ADGRL2: variants seen among roughly 807,000 people sequenced by gnomAD.
ADGRL2 encodes calcium-independent alpha-latrotoxin receptor 2.
A neutral mutation model predicts 157.4 loss-of-function variants in ADGRL2; 44 were observed. The ratio of observed to expected loss-of-function variants is 0.28; its 90% CI spans 0.22 to 0.36. The LOEUF is 0.36. ADGRL2 is among the 10% of genes least tolerant of loss of function. ADGRL2 has a pLI of 1.00. For synonymous variants in ADGRL2, 585 were observed against 624.7 expected (o/e 0.94, Z 0.95); for missense variants, 1,510 against 1,768.9 (o/e 0.85, Z 2.63).
At position 81,615,010 on chromosome 1, in the gene ADGRL2, A is replaced by G. The variant is rs1319211659; in HGVS notation, c.-143+34030A>G. On this transcript the variant is annotated intron_variant, in intron 3 of 24. Transcript: ENST00000370721. Reference sequence around the variant, plus strand: ...CCTGAGCGACAGAGTGAGACCATGTATCAAAAATAAAATAAAGTAAAATAA... The same window carrying G: ...CCTGAGCGACAGAGTGAGACCATGTGTCAAAAATAAAATAAAGTAAAATAA... Among the ~76,000 whole-genome samples the G allele has an allele frequency of 2.6e-5, 4 of 152,096 alleles. No homozygotes were observed. The East Asian group carries it at 7.7e-4, about 29-fold the overall frequency.
chr1:81,692,428 A>C (rs989009691), intron 3 of ADGRL2, among the ~76,000 whole-genome samples: 2 of 152,196 alleles, frequency 1.3e-5, no homozygotes, highest in African/African-American at 4.8e-5. Flanking sequence ...CAGAGATGCC[A>C]ACCCATCTTG....
chr1:81,856,326 C>G (rs983212150), intron 2 of ADGRL2, among the ~76,000 whole-genome samples: 3 of 152,146 alleles, frequency 2.0e-5, no homozygotes, highest in African/African-American at 7.2e-5. Context: ...AGCTCTTTCT[C>G]TAGCTCTGGA....
upstream of ADGRL2, among the ~76,000 whole-genome samples, chr1:81,696,441 A>C (rs1570865109): frequency 6.6e-6 from 1 of 152,280 alleles, no homozygotes; most frequent in Non-Finnish European, 1.5e-5. Context: ...ATCATGGAGA[A>C]TGGGGCAGAG....
At chr1:81,362,779 C>T (rs931025704) in intron 1 of ADGRL2, among the ~76,000 whole-genome samples, 1 of 151,796 alleles carries the variant, frequency 6.6e-6, no homozygotes, top group African/African-American at 2.4e-5. Context: ...AACATAAAAC[C>T]TTTTCCATGT....
At chr1:81,611,353 T>C (rs1275232833) in intron 3 of ADGRL2, among the ~76,000 whole-genome samples, 2 of 152,200 alleles carry the variant, frequency 1.3e-5, no homozygotes, top group Non-Finnish European at 2.9e-5. Context: ...GTTCTCTCAT[T>C]TGTAAAAGGG....
At chr1:81,376,650 C>T (rs1225793361) in intron 1 of ADGRL2, among the ~76,000 whole-genome samples, 1 of 151,690 alleles carries the variant, frequency 6.6e-6, no homozygotes, top group Non-Finnish European at 1.5e-5. Flanking sequence ...CACTCTCTCC[C>T]TCCCATATCG....
At chr1:81,748,295 G>C (rs2085369650) in intron 1 of ADGRL2, among the ~76,000 whole-genome samples, 1 of 151,732 alleles carries the variant, frequency 6.6e-6, no homozygotes, top group Admixed American at 6.6e-5. Context: ...TGGCCAACAT[G>C]GGGAAATCCC....
At chr1:81,907,377 C>T (rs1297890550) in intron 3 of ADGRL2, 147 bp downstream of exon 3, 28 of 624,944 alleles carry the variant, frequency 4.5e-5, no homozygotes, top group Non-Finnish European at 4.6e-5. Context: ...ATGTTGATAT[C>T]TACACTTTAT....
chr1:81,468,251 A>G (rs543048782), intron 2 of ADGRL2, among the ~76,000 whole-genome samples: 5 of 152,308 alleles, frequency 3.3e-5, no homozygotes, highest in African/African-American at 1.2e-4. Context: ...TTAGGGTAGT[A>G]TCTTCACTGG....
At chr1:81,595,714 G>A (rs1248585245) in intron 3 of ADGRL2, among the ~76,000 whole-genome samples, 3 of 152,208 alleles carry the variant, frequency 2.0e-5, no homozygotes, top group Middle Eastern at 3.2e-3. Context: ...ACATGAGCCT[G>A]CGATATGAAT....
intron 3 of ADGRL2, among the ~76,000 whole-genome samples, chr1:81,590,327 T>TTGG (rs1235727718): frequency 1.3e-5 from 2 of 152,172 alleles, no homozygotes; most frequent in Non-Finnish European, 2.9e-5. Context: ...AATACCCTTG[T>TTGG]TGGTGACTCA....
chr1:81,800,004 T>C (rs1472963610), upstream of ADGRL2, among the ~76,000 whole-genome samples: 1 of 152,152 alleles, frequency 6.6e-6, no homozygotes, highest in East Asian at 1.9e-4. Context: ...CTTAGGTCCA[T>C]CGTAGGCTCT....
intron 1 of ADGRL2, among the ~76,000 whole-genome samples, chr1:81,364,699 A>C (rs2076035156): frequency 6.6e-6 from 1 of 151,696 alleles, no homozygotes; most frequent in African/African-American, 2.4e-5. Flanking sequence ...ATTGGTAATT[A>C]ATTCTTTTTT....
intron 2 of ADGRL2, among the ~76,000 whole-genome samples, chr1:81,784,889 C>T (rs1487783692): frequency 7.2e-6 from 1 of 138,798 alleles, no homozygotes; most frequent in East Asian, 2.2e-4. Context: ...GTTAATTATC[C>T]AATTTTATGA....
chr1:81,704,930 A>T (rs1027710322), intron 1 of ADGRL2, among the ~76,000 whole-genome samples: 1 of 152,262 alleles, frequency 6.6e-6, no homozygotes, highest in African/African-American at 2.4e-5. Flanking sequence ...ATGATGGCAG[A>T]AAAAGACACT....
chr1:81,654,529 C>T (rs968650617), intron 3 of ADGRL2, among the ~76,000 whole-genome samples: 1 of 152,196 alleles, frequency 6.6e-6, no homozygotes, highest in African/African-American at 2.4e-5. Context: ...CTTCTTATCA[C>T]ACCACAAATT....
intron 2 of ADGRL2, among the ~76,000 whole-genome samples, chr1:81,554,995 G>C (rs2148408940): frequency 6.6e-6 from 1 of 152,146 alleles, no homozygotes; most frequent in South Asian, 2.1e-4. Flanking sequence ...TAAAAGTCCT[G>C]TGCCCTTGGG....
rs369769372 is a variant in ADGRL2, at chr1:81,724,732, C to T, written c.-143+24924C>T. ...TGCATACTTTGCTTATTTGAAGAAT[C>T]AGTGGTAGGTGCAGTGAAGTAAATT... On this transcript the variant is annotated intron_variant, in intron 1 of 20. Coordinates refer to the ADGRL2 transcript ENST00000359929. Among the ~76,000 whole-genome samples the T allele has an allele frequency of 2.6e-5, 4 of 152,152 alleles. No individual in the cohort carries two copies. In the East Asian group the frequency reaches 7.7e-4, roughly 29 times the overall value.
In ADGRL2 at chr1:81,936,778, C is replaced by T; in HGVS notation, c.338C>T (p.Pro113Leu). 6.2e-7 allele frequency: 1 copy of T among 1,612,396 alleles called. No homozygotes were observed. Among genetic ancestry groups the T allele is most frequent in the Non-Finnish European group, 8.5e-7 (1 of 1,178,762 alleles). ...CIVVTGSDVF[P>L]DPCPGTYKYL... ...GTAGTTACTGGGTCAGATGTGTTTC[C>T]TGATCCATGTCCTGGAACATACAAA... Residue 113 changes from proline to leucine, a missense_variant, in exon 4 of 24, where the codon CCT (proline) becomes CTT (leucine). Around this residue, in one of 4 missense-constraint regions of ADGRL2, gnomAD observed 361 missense variants for 498.4 expected, o/e 0.72. Transcript: ENST00000686636.
Sources: gnomAD v4.1 joint callset for allele counts (sites outside exome capture counted in the v4.1 genomes callset) on GRCh38, gnomAD v4.1.1 for gene constraint, gnomAD v4.1.1 regional missense constraint, MANE v1.5 for transcripts, NCBI Gene and HGNC (gene_info 2026-07-23, HGNC 2026-07-21) for gene names.